ADARB2: variants seen among roughly 807,000 people sequenced by gnomAD.
ADARB2 encodes the protein adenosine deaminase RNA specific B2 (inactive), also known as inactive double-stranded RNA-specific editase B2.
ADARB2 carries 25 observed loss-of-function variants against 62.2 expected under a neutral mutation model. The ratio of observed to expected loss-of-function variants is 0.40; its 90% CI spans 0.29 to 0.56. The LOEUF (loss-of-function observed/expected upper bound fraction) is 0.56, where lower values mean the gene tolerates loss of function less well. Ranked by LOEUF, ADARB2 falls within the 20% of genes least tolerant of loss-of-function variation. The probability of loss-of-function intolerance (pLI) is 0.43; values close to 1 mark genes in which losing one functional copy is unlikely to be tolerated. For synonymous variants in ADARB2, 572 were observed against 500.8 expected (o/e 1.14, Z -1.90); for missense variants, 1,071 against 1,077.4 (o/e 0.99, Z 0.08).
At chr10:1,507,285 G>A (rs559722815) in intron 1 of ADARB2, among the ~76,000 whole-genome samples, 4 of 152,304 alleles carry the variant, frequency 2.6e-5, no homozygotes, top group East Asian at 1.9e-4. Context: ...AGAGGAGCTC[G>A]TTTTATGTGA....
chr10:1,724,418 C>T (rs1463845389), intron 1 of ADARB2, among the ~76,000 whole-genome samples: 1 of 152,208 alleles, frequency 6.6e-6, no homozygotes, highest in Non-Finnish European at 1.5e-5. Context: ...GGGCACATAG[C>T]CTGCCTGGTT....
At chr10:1,569,509 A>C (rs568364471) in intron 1 of ADARB2, among the ~76,000 whole-genome samples, 1 of 152,310 alleles carries the variant, frequency 6.6e-6, no homozygotes, top group Admixed American at 6.5e-5. Context: ...AGGTCAGCAA[A>C]GGTTGCCTCT....
At chr10:1,190,099 C>T (rs1052338155) in intron 8 of ADARB2, among the ~76,000 whole-genome samples, 1 of 152,106 alleles carries the variant, frequency 6.6e-6, no homozygotes, top group African/African-American at 2.4e-5. Context: ...CAGCTGAGCT[C>T]CAAGGAGAAA....
chr10:1,395,448 T>C (rs1427183974), intron 1 of ADARB2, among the ~76,000 whole-genome samples: 1 of 152,172 alleles, frequency 6.6e-6, no homozygotes, highest in African/African-American at 2.4e-5. Flanking sequence ...GCAAGGTCCT[T>C]CCTGCCCTCC....
chr10:1,372,449 A>C (rs1832381322), intron 2 of ADARB2, among the ~76,000 whole-genome samples: 1 of 141,196 alleles, frequency 7.1e-6, no homozygotes, highest in Non-Finnish European at 1.5e-5. Flanking sequence ...ATGTATCCCT[A>C]AGCCTAAAAT....
intron 1 of ADARB2, among the ~76,000 whole-genome samples, chr10:1,407,197 C>A (rs1832714370): frequency 6.6e-6 from 1 of 152,224 alleles, no homozygotes; most frequent in South Asian, 2.1e-4. Flanking sequence ...GGACCCCATA[C>A]TGATTTGCTG....
At chr10:1,273,523 C>A (rs2131800386) in intron 3 of ADARB2, among the ~76,000 whole-genome samples, 1 of 152,284 alleles carries the variant, frequency 6.6e-6, no homozygotes, top group Non-Finnish European at 1.5e-5. Context: ...TCGTGATGGT[C>A]CTTGGTTCTC....
At position 1,614,910 on chromosome 10, in the gene ADARB2, C is replaced by CAA. The variant is rs4002271; in HGVS notation, c.100+122139_100+122140dup. Among the ~76,000 whole-genome samples, 1,022 of 148,742 alleles carry CAA rather than the reference C, an allele frequency of 6.9e-3. 16 individuals carry two copies. Among genetic ancestry groups the CAA allele is most frequent in the African/African-American group, 0.023 (945 of 40,388 alleles). ...TGGGTGACAGAGCGAGACTCTGACT[C>CAA]AAAAAAAAATAATAAAATGCCCTTT... On this transcript the variant is annotated intron_variant, in intron 1 of 9. Transcript: ENST00000381312.
At chr10:1,447,597 A>G (rs59180757) in intron 1 of ADARB2, among the ~76,000 whole-genome samples, 6,824 of 151,802 alleles carry the variant, frequency 0.045, 446 homozygotes, top group African/African-American at 0.15. Context: ...ATGTGATTGC[A>G]GCTTCAGGGG....
At chr10:1,544,011 AAAC>A (rs1421459579) in intron 1 of ADARB2, among the ~76,000 whole-genome samples, 33,141 of 77,094 alleles carry the variant, frequency 0.43, 4,176 homozygotes, top group Non-Finnish European at 0.52. Flanking sequence ...AAAAAAAAAA[AAAC>A]AAACAAAAAA....
intron 1 of ADARB2, among the ~76,000 whole-genome samples, chr10:1,414,913 A>T (rs1832789116): frequency 6.6e-6 from 1 of 152,102 alleles, no homozygotes; most frequent in African/African-American, 2.4e-5. Context: ...AGGAATGGTG[A>T]ATGAATGGAT....
intron 1 of ADARB2, among the ~76,000 whole-genome samples, chr10:1,693,921 C>T (rs1282057687): frequency 3.3e-5 from 5 of 152,230 alleles, no homozygotes; most frequent in Non-Finnish European, 5.9e-5. Flanking sequence ...TGGTCCACCC[C>T]ACAGGGTTTC....
chr10:1,608,051 T>C (rs1833516024), intron 1 of ADARB2, among the ~76,000 whole-genome samples: 2 of 152,208 alleles, frequency 1.3e-5, no homozygotes. Context: ...GACGTAGGTT[T>C]CAGGGGGATT....
chr10:1,502,889 G>A (rs1232715947), intron 1 of ADARB2, among the ~76,000 whole-genome samples: 1 of 152,152 alleles, frequency 6.6e-6, no homozygotes, highest in Non-Finnish European at 1.5e-5. Context: ...ATTTCAGAGA[G>A]ATCTTGGTAA....
intron 1 of ADARB2, among the ~76,000 whole-genome samples, chr10:1,667,020 T>G (rs1834325035): frequency 6.6e-6 from 1 of 152,370 alleles, no homozygotes; most frequent in Non-Finnish European, 1.5e-5. Context: ...TTTTAAGTTA[T>G]TGTTATGTAA....
intron 1 of ADARB2, among the ~76,000 whole-genome samples, chr10:1,627,272 C>A (rs1490977577): frequency 6.6e-6 from 1 of 152,206 alleles, no homozygotes; most frequent in Non-Finnish European, 1.5e-5. Context: ...GAAGATTAGA[C>A]TCCTGATCAC....
chr10:1,663,469 C>T (rs1284522518), intron 1 of ADARB2, among the ~76,000 whole-genome samples: 1 of 152,178 alleles, frequency 6.6e-6, no homozygotes, highest in Non-Finnish European at 1.5e-5. Context: ...CCCTGGAAAC[C>T]ATGAATCTTT....
At chr10:1,367,181 C>T (rs940715381) in intron 2 of ADARB2, among the ~76,000 whole-genome samples, 3 of 152,342 alleles carry the variant, frequency 2.0e-5, no homozygotes, top group South Asian at 2.1e-4. Context: ...TCTCACGTTG[C>T]GCGCTGCCTG....
At chr10:1,262,036 G>A (rs1418291503) in intron 4 of ADARB2, among the ~76,000 whole-genome samples, 16 of 146,212 alleles carry the variant, frequency 1.1e-4, no homozygotes, top group East Asian at 1.0e-3. Context: ...GTAAACTATC[G>A]CAAGAACAAA....
Sources: allele counts gnomAD v4.1 joint callset (sites outside exome capture counted in the v4.1 genomes callset), GRCh38; gene constraint gnomAD v4.1.1; transcripts MANE v1.5; gene names NCBI Gene and HGNC (gene_info 2026-07-23, HGNC 2026-07-21).